The following RANBP2 variants were observed in gnomAD, a reference collection of about 807,000 sequenced individuals.
RANBP2 encodes E3 SUMO-protein ligase RanBP2.
In RANBP2, 57 loss-of-function variants were observed where a neutral mutation model predicts 303.6. The ratio of observed to expected loss-of-function variants is 0.19; its 90% CI spans 0.15 to 0.23. The LOEUF is 0.23. Among genes scored for constraint, RANBP2 ranks in the 10% least tolerant of loss-of-function variants. The probability of loss-of-function intolerance (pLI) is 1.00; values close to 1 mark genes in which losing one functional copy is unlikely to be tolerated. For missense variants in RANBP2, 3,138 were observed against 3,780.8 expected (o/e 0.83, Z 4.46); for synonymous variants, 1,167 against 1,301.5 (o/e 0.90, Z 2.23).
At chr2:108,854,734 T>G in the RANBP2 span, among the ~76,000 whole-genome samples, 4 of 152,182 alleles carry the variant, frequency 2.6e-5, no homozygotes, top group Non-Finnish European at 5.9e-5. Context: ...CTGTTCTTTC[T>G]TGGCCTCTCT....
chr2:109,606,760 A>ACCTC, the RANBP2 span, among the ~76,000 whole-genome samples: 12 of 131,956 alleles, frequency 9.1e-5, no homozygotes, highest in South Asian at 2.4e-4. Flanking sequence ...GCTCACTGCA[A>ACCTC]CCTCCGTCTC....
At chr2:109,634,142 A>AAAAAG in the RANBP2 span, among the ~76,000 whole-genome samples, 12 of 149,596 alleles carry the variant, frequency 8.0e-5, no homozygotes, top group Non-Finnish European at 7.4e-5. Context: ...AAAAAAAAAA[A>AAAAAG]AAAAGAAAAG....
At chr2:109,408,586 C>T in the RANBP2 span, among the ~76,000 whole-genome samples, 1 of 152,238 alleles carries the variant, frequency 6.6e-6, no homozygotes, top group Non-Finnish European at 1.5e-5. Flanking sequence ...TCTACCAGCC[C>T]GTGAGCTTCG....
chr2:108,755,327 T>A (rs1299187161), intron 17 of RANBP2, 68 bp downstream of exon 17: 1 of 1,608,250 alleles, frequency 6.2e-7, no homozygotes, highest in Non-Finnish European at 8.5e-7. Context: ...CTCTCTCACT[T>A]TTTTTCTGAA....
the RANBP2 span, chr2:109,613,916 A>T: frequency 0.45 from 546,369 of 1,220,856 alleles, 125,892 homozygotes; most frequent in African/African-American, 0.74. Context: ...GCCGGAGGGC[A>T]GAAGCAACGG....
the RANBP2 span, among the ~76,000 whole-genome samples, chr2:109,228,935 C>G: frequency 6.6e-6 from 1 of 152,286 alleles, no homozygotes; most frequent in Admixed American, 6.5e-5. Context: ...GGGTATGGAG[C>G]TGAAAACTCC....
the RANBP2 span, among the ~76,000 whole-genome samples, chr2:108,950,541 G>C: frequency 6.6e-6 from 1 of 152,170 alleles, no homozygotes; most frequent in African/African-American, 2.4e-5. Context: ...TTGTTTATTC[G>C]TTCATATTCT....
the RANBP2 span, among the ~76,000 whole-genome samples, chr2:108,997,397 C>T: frequency 1.7e-4 from 20 of 120,434 alleles, no homozygotes; most frequent in Non-Finnish European, 6.4e-5. Context: ...GCTGACATTG[C>T]GCCACTGCAC....
intron 20 of RANBP2, among the ~76,000 whole-genome samples, chr2:108,770,560 T>G (rs1677425636): frequency 6.6e-6 from 1 of 152,184 alleles, no homozygotes; most frequent in Non-Finnish European, 1.5e-5. Context: ...GTTCCAGGCT[T>G]TAGTGAACTG....
chr2:108,976,089 T>C, the RANBP2 span, among the ~76,000 whole-genome samples: 4 of 152,358 alleles, frequency 2.6e-5, no homozygotes, highest in Non-Finnish European at 5.9e-5. Flanking sequence ...CTGAAGTTCA[T>C]ACATCTTCAG....
chr2:109,440,769 G>A, the RANBP2 span, among the ~76,000 whole-genome samples: 9 of 152,270 alleles, frequency 5.9e-5, no homozygotes, highest in East Asian at 1.7e-3. Context: ...CCAGAGAGGA[G>A]AGAACAGCAC....
the RANBP2 span, among the ~76,000 whole-genome samples, chr2:109,078,245 GTGTATATATATATATATAGCGCGTATA>G: frequency 1.3e-3 from 45 of 33,932 alleles, 4 homozygotes; most frequent in Middle Eastern, 0.014. Flanking sequence ...TATATATAGC[GTGTATATATATATATATAGCGCGTATA>G]TATATATATA....
At chr2:109,641,277 T>C in the RANBP2 span, among the ~76,000 whole-genome samples, 5 of 152,302 alleles carry the variant, frequency 3.3e-5, no homozygotes, top group South Asian at 1.0e-3. Flanking sequence ...TAGCTGGGAT[T>C]ACAGGAATAC....
chr2:109,774,519 ATATT>A, the RANBP2 span, among the ~76,000 whole-genome samples: 8 of 88,220 alleles, frequency 9.1e-5, no homozygotes, highest in East Asian at 2.6e-3. Flanking sequence ...TATATAATAT[ATATT>A]ATATATATTA....
chr2:109,061,922 C>G, the RANBP2 span, among the ~76,000 whole-genome samples: 1 of 152,094 alleles, frequency 6.6e-6, no homozygotes, highest in Non-Finnish European at 1.5e-5. Context: ...GTCAGCTGAC[C>G]GTGTGGCTGT....
chr2:108,838,677 A>C, the RANBP2 span, among the ~76,000 whole-genome samples: 1 of 152,196 alleles, frequency 6.6e-6, no homozygotes, highest in African/African-American at 2.4e-5. Context: ...ATATGCATGC[A>C]ATGTAGACAT....
chr2:109,431,203 G>A, the RANBP2 span, among the ~76,000 whole-genome samples: 2 of 152,206 alleles, frequency 1.3e-5, no homozygotes, highest in Non-Finnish European at 2.9e-5. Flanking sequence ...TATCCCCAGA[G>A]ATGCACTGTG....
chr2:109,181,749 C>T, the RANBP2 span, among the ~76,000 whole-genome samples: 2 of 152,184 alleles, frequency 1.3e-5, no homozygotes, highest in African/African-American at 4.8e-5. Flanking sequence ...GTAGTGGATG[C>T]TAGGTTCCAT....
At chr2:109,121,517 CTTT>C in the RANBP2 span, among the ~76,000 whole-genome samples, 1 of 152,312 alleles carries the variant, frequency 6.6e-6, no homozygotes, top group African/African-American at 2.4e-5. Context: ...CTGTCACCTT[CTTT>C]GTCATAGGAA....
Sources: allele counts gnomAD v4.1 joint callset (sites outside exome capture counted in the v4.1 genomes callset), GRCh38; gene constraint gnomAD v4.1.1; transcripts MANE v1.5; gene names NCBI Gene and HGNC (gene_info 2026-07-23, HGNC 2026-07-21).